PROP1: variants seen among roughly 807,000 people sequenced by gnomAD.
The protein encoded by PROP1 is PROP paired-like homeobox 1.
Under a neutral mutation model 22.3 loss-of-function variants are expected in PROP1, and 12 were observed. The observed-to-expected ratio is 0.54, with a 90% CI of 0.34 to 0.87. The LOEUF (loss-of-function observed/expected upper bound fraction) is 0.87. Ranked by LOEUF, PROP1 falls within the 40% of genes least tolerant of loss-of-function variation. The pLI, the probability that PROP1 is intolerant of heterozygous loss-of-function variation, is 0.01. For missense variants in PROP1, 278 were observed against 295.1 expected (o/e 0.94, Z 0.43); for synonymous variants, 112 against 116.7 (o/e 0.96, Z 0.26).
intron 1 of PROP1, 70 bp from the exon 2 acceptor site, chr5:177,994,408 G>T: frequency 1.5e-6 from 2 of 1,354,938 alleles, no homozygotes; most frequent in Non-Finnish European, 2.0e-6. Context: ...ACATGTGCCT[G>T]TCCCGGGATT....
intron 1 of PROP1, 43 bp from the exon 2 acceptor site, chr5:177,994,381 C>G: frequency 6.6e-7 from 1 of 1,509,024 alleles, no homozygotes; most frequent in Non-Finnish European, 9.0e-7. Context: ...GAGGAGGACG[C>G]TCCTCGGTGC....
At position 177,992,913 on chromosome 5, in the gene PROP1, T is replaced by C. The variant is rs1772690090; in HGVS notation, c.477A>G (p.Ala159=). ...ESTACPYSYA[A]PPPPVTCFPH... ...GGAAGCAGGTCACTGGTGGTGGTGG[T>C]GCTGCGTAAGAATAGGGGCAAGCAG... is the stretch of plus-strand genomic sequence containing the variant. Residue 159 remains alanine, a synonymous_variant, in exon 3 of 3, where the codon GCA becomes GCG. Transcript: ENST00000308304. 1 of 1,613,524 alleles carries C rather than the reference T, an allele frequency of 6.2e-7. No homozygotes were observed. The highest frequency in any genetic ancestry group is 8.5e-7 in the Non-Finnish European group (1 of 1,179,910).
At chr5:177,995,683 T>G in intron 1 of PROP1, 142 bp downstream of exon 1, 2 of 712,864 alleles carry the variant, frequency 2.8e-6, no homozygotes, top group Non-Finnish European at 4.8e-6. Flanking sequence ...CAGTCCCTTT[T>G]ACTTTCAAAG....
chr5:177,995,395 C>T (rs1417759876), intron 1 of PROP1, among the ~76,000 whole-genome samples: 1 of 152,086 alleles, frequency 6.6e-6, no homozygotes, highest in African/African-American at 2.4e-5. Flanking sequence ...GGAGCCGAGG[C>T]ACCATCCCCA....
chr5:177,995,687 T>C (rs1042311073), intron 1 of PROP1, 138 bp downstream of exon 1: 5 of 726,986 alleles, frequency 6.9e-6, no homozygotes, highest in Non-Finnish European at 1.2e-5. Flanking sequence ...CCCTTTTACT[T>C]TCAAAGGTTC....
Position 177,992,276 on chromosome 5 carries a change from CTGAT to C in PROP1, c.*429_*432del, listed in dbSNP as rs149470714. 0.01 allele frequency: 1,563 copies of C among 153,968 alleles called. 30 individuals carry two copies. Among genetic ancestry groups the C allele is most frequent in the African/African-American group, 0.038 (1,480 of 39,416 alleles). The allele number at this position is 153,968 out of a possible 1,614,324, so 9.5% of individuals were successfully genotyped here. A position where few individuals can be genotyped will look rare whatever the true frequency, so the allele number is the denominator to read the frequency against. On this transcript the variant is annotated 3_prime_UTR_variant, in exon 3 of 3. Coordinates refer to ENST00000308304, the MANE Select transcript of PROP1 (RefSeq NM_006261.5). ...GGACAGAATAAACAAAAGTCAGTGA[CTGAT>C]TGAGATGGCGGGGTGGGCAATGGGG...
chr5:177,992,806 T>C lies in PROP1; in HGVS notation c.584A>G (p.Tyr195Cys). 1 of 1,607,684 alleles carries C rather than the reference T, an allele frequency of 6.2e-7. No homozygotes were observed. Among genetic ancestry groups the C allele is most frequent in the Non-Finnish European group, 8.5e-7 (1 of 1,177,084 alleles). The change falls in exon 3 of 3, where the codon TAC becomes TGC. Residue 195 changes from tyrosine to cysteine, a missense_variant. Physicochemically the swap from Tyr to Cys is radical, Grantham distance 194 (BLOSUM62 -2). Coordinates refer to ENST00000308304, the MANE Select transcript of PROP1 (RefSeq NM_006261.5). ...GGCAGGGGCTGGGTGCAAGGTAGGGTACCAGTCCTCAGACTGGTGTGACAA... is the reference window on the plus strand; with the variant it reads ...GGCAGGGGCTGGGTGCAAGGTAGGGCACCAGTCCTCAGACTGGTGTGACAA... ...FALSHQSEDW[Y>C]PTLHPAPAGH...
rs772326964 is a variant in PROP1 at position 177,995,947 on chromosome 5, G to T, written c.-14C>A. ...TTCTGCTTCCATGGCTCGCCACGGG[G>T]ACCAAGTGTCCCTGAATCTCTGACT... On this transcript the variant is annotated 5_prime_UTR_variant, in exon 1 of 3. Transcript: ENST00000308304. The T allele has an allele frequency of 2.5e-6, 4 of 1,605,372 alleles. No homozygotes were observed. The South Asian group carries it at 3.3e-5, about 13-fold the overall frequency.
intron 1 of PROP1, among the ~76,000 whole-genome samples, chr5:177,995,622 C>G (rs1755748728): frequency 6.6e-6 from 1 of 152,216 alleles, no homozygotes; most frequent in Non-Finnish European, 1.5e-5. Flanking sequence ...GTTCAGCCGC[C>G]CCCTCCTGCC....
chr5:177,992,920 TAAG>T lies in PROP1; in HGVS notation c.467_469del (p.Ser156del). 6.2e-7 allele frequency: 1 copy of T among 1,613,406 alleles called. No individual in the cohort carries two copies. The highest frequency in any genetic ancestry group is 8.5e-7 in the Non-Finnish European group (1 of 1,179,854). On this transcript the variant is annotated inframe_deletion, in exon 3 of 3. Transcript: ENST00000308304. ...GGTCACTGGTGGTGGTGGTGCTGCG[TAAG>T]AATAGGGGCAAGCAGTGGACTCTGG...
intron 2 of PROP1, among the ~76,000 whole-genome samples, chr5:177,993,684 C>T (rs1169701999): frequency 2.0e-5 from 3 of 152,128 alleles, no homozygotes; most frequent in Admixed American, 2.0e-4. Context: ...GCCTCAGCCT[C>T]CGGAGTAGCT....
chr5:177,993,792 CTT>C lies in PROP1; in HGVS notation c.342+312_342+313del, dbSNP rs555683941. On this transcript the variant is annotated intron_variant, in intron 2 of 2. Transcript: ENST00000308304. ...ATGTTAACCAGGCTGGTCTCGAACT[CTT>C]AACCTCAGGTGATCCATCCAGCTTG... 1.0e-3 allele frequency among the ~76,000 whole-genome samples: 157 copies of C among 152,270 alleles called. 2 individuals are homozygous for C. Among genetic ancestry groups the C allele is most frequent in the African/African-American group, 3.6e-3 (151 of 41,550 alleles).
At position 177,994,258 on chromosome 5, in the gene PROP1, C is replaced by G; in HGVS notation, c.190G>C (p.Gly64Arg). ...SRFSPQGGQR[G>R]RPHSRRRHRT... is the part of the protein sequence containing the mutation. ...TGGCGGCGCCGGGAGTGCGGGCGGC[C>G]CCTCTGTCCTCCTTGCGGGGAGAAC... Residue 64 changes from glycine (G) to arginine (R), a missense_variant, in exon 2 of 3, where the codon GGC (glycine) becomes CGC (arginine). By Grantham distance (125) the Gly-to-Arg change is moderately radical. Coordinates refer to ENST00000308304, the MANE Select transcript of PROP1 (RefSeq NM_006261.5). 4 of 1,613,910 alleles carry G rather than the reference C, an allele frequency of 2.5e-6. No homozygotes were observed. The highest frequency in any genetic ancestry group is 3.4e-6 in the Non-Finnish European group (4 of 1,179,870).
Position 177,992,345 on chromosome 5 carries a change from T to C in PROP1, c.*364A>G. The C allele has an allele frequency of 3.7e-6, 1 of 267,460 alleles. No homozygotes were observed. Among genetic ancestry groups the C allele is most frequent in the Non-Finnish European group, 7.1e-6 (1 of 140,694 alleles). The allele number at this position is 267,460 out of a possible 1,614,324, so 16.6% of individuals were successfully genotyped here. A position where few individuals can be genotyped will look rare whatever the true frequency, so the allele number is the denominator to read the frequency against. On this transcript the variant is annotated 3_prime_UTR_variant, in exon 3 of 3. Transcript: ENST00000308304. ...TAGACTCTTAAGTCAGAAGCCTTACTGAAATCAGCCAGAAAGAGCTGGGAT... is the reference window on the plus strand; with the variant it reads ...TAGACTCTTAAGTCAGAAGCCTTACCGAAATCAGCCAGAAAGAGCTGGGAT...
In PROP1 at chr5:177,995,828, C is replaced by T. The variant is rs1346553529; in HGVS notation, c.106G>A (p.Val36Met). 1 of 1,613,476 alleles carries T rather than the reference C, an allele frequency of 6.2e-7. No homozygotes were observed. The highest frequency in any genetic ancestry group is 8.5e-7 in the Non-Finnish European group (1 of 1,179,856). The stretch of plus-strand genomic sequence containing the variant: ...GCACACCGGGACGGTCACTCACCCA[C>T]CGTGGTGGTCGGGGTCCCAGTGGCC... ...HPATGTPTTTVDSSAPPCRRL... is the reference protein window; with the variant it reads ...HPATGTPTTTMDSSAPPCRRL... The change falls in exon 1 of 3, where the codon GTG (valine) becomes ATG (methionine). Residue 36 changes from valine (V) to methionine (M), a missense_variant. Val to Met is a conservative substitution (Grantham distance 21). Transcript: ENST00000308304.
Position 177,992,300 on chromosome 5 carries a change from A to T in PROP1, c.*409T>A, listed in dbSNP as rs1772657403. 1 of 181,020 alleles carries T rather than the reference A, an allele frequency of 5.5e-6. No homozygotes were observed. Among genetic ancestry groups the T allele is most frequent in the Non-Finnish European group, 1.1e-5 (1 of 87,384 alleles). 11.2% of individuals were successfully genotyped at this position (181,020 alleles called of 1,614,324 possible). A position where few individuals can be genotyped will look rare whatever the true frequency, so the allele number is the denominator to read the frequency against. The stretch of plus-strand genomic sequence containing the variant: ...ACTGATTGAGATGGCGGGGTGGGCA[A>T]TGGGGAAGGGATGTATAGGTAGACT... On this transcript the variant is annotated 3_prime_UTR_variant, in exon 3 of 3. Coordinates refer to ENST00000308304, the MANE Select transcript of PROP1 (RefSeq NM_006261.5).
intron 2 of PROP1, among the ~76,000 whole-genome samples, chr5:177,993,565 ATT>A (rs11371214): frequency 2.0e-5 from 3 of 147,446 alleles, no homozygotes; most frequent in Admixed American, 6.8e-5. Flanking sequence ...TGGCATCACT[ATT>A]TTTTTTTTTT....
At position 177,995,804 on chromosome 5, in the gene PROP1, C is replaced by A. The variant is rs371884559; in HGVS notation, c.109+21G>T. 2.5e-6 allele frequency: 4 copies of A among 1,597,024 alleles called. No homozygotes were observed. In the South Asian group the frequency reaches 3.3e-5, roughly 13 times the overall value. ...CCCGCTGCCTCCTCAGGGACCCACGCACACCGGGACGGTCACTCACCCACC... is the reference window on the plus strand; with the variant it reads ...CCCGCTGCCTCCTCAGGGACCCACGAACACCGGGACGGTCACTCACCCACC... On this transcript the variant is annotated intron_variant, in intron 1 of 2. Coordinates refer to ENST00000308304, the MANE Select transcript of PROP1 (RefSeq NM_006261.5).
chr5:177,992,548 G>A lies in PROP1; in HGVS notation c.*161C>T. 1 of 623,970 alleles carries A rather than the reference G, an allele frequency of 1.6e-6. No individual in the cohort carries two copies. The allele number at this position is 623,970 out of a possible 1,614,324, so 38.7% of individuals were successfully genotyped here. On this transcript the variant is annotated 3_prime_UTR_variant, in exon 3 of 3. Transcript: ENST00000308304. ...CAGACTTCCTCCACTAATCACCCCA[G>A]TGAGAATTCACCATGATCTCCCATT...
Sources: gnomAD v4.1 joint callset for allele counts (sites outside exome capture counted in the v4.1 genomes callset) on GRCh38, gnomAD v4.1.1 for gene constraint, MANE v1.5 for transcripts, NCBI Gene and HGNC (gene_info 2026-07-23, HGNC 2026-07-21) for gene names.